SV2B: variants seen among roughly 807,000 people sequenced by gnomAD.
SV2B encodes solute carrier family 22 member B2.
SV2B carries 41 observed loss-of-function variants against 73.9 expected under a neutral mutation model. That is an observed-to-expected ratio of 0.56 (90% CI 0.43 to 0.72). The LOEUF (loss-of-function observed/expected upper bound fraction) is 0.72, where lower values mean the gene tolerates loss of function less well. Among genes scored for constraint, SV2B ranks in the 30% least tolerant of loss-of-function variants. The pLI is 0.00. For synonymous variants in SV2B, 314 were observed against 314.2 expected, an observed-to-expected ratio of 1.00 and a Z score of 0.01; for missense variants, 764 against 857.8, an observed-to-expected ratio of 0.89 and a Z score of 1.37.
chr15:91,190,082 TGTTA>T (rs753398677), intron 1 of SV2B, among the ~76,000 whole-genome samples: 2 of 152,236 alleles, frequency 1.3e-5, no homozygotes, highest in African/African-American at 2.4e-5. Context: ...TATATTTTCT[TGTTA>T]GTTATTGCTG....
At chr15:91,183,676 A>C (rs192229513) in intron 1 of SV2B, among the ~76,000 whole-genome samples, 1 of 152,340 alleles carries the variant, frequency 6.6e-6, no homozygotes, top group Non-Finnish European at 1.5e-5. Context: ...TTTGCGATGT[A>C]TTTGCCCAGG....
At chr15:91,194,136 C>A (rs1415481655) in intron 1 of SV2B, among the ~76,000 whole-genome samples, 1 of 151,800 alleles carries the variant, frequency 6.6e-6, no homozygotes, top group Non-Finnish European at 1.5e-5. Flanking sequence ...TGATTAGTGT[C>A]CTAGGGGACC....
intron 1 of SV2B, among the ~76,000 whole-genome samples, chr15:91,219,862 A>G (rs930128061): frequency 2.0e-5 from 3 of 152,226 alleles, no homozygotes; most frequent in Non-Finnish European, 4.4e-5. Flanking sequence ...TGGATATTTC[A>G]TCTAAATGGA....
At chr15:91,147,576 T>C (rs892507797) in intron 1 of SV2B, among the ~76,000 whole-genome samples, 2 of 152,186 alleles carry the variant, frequency 1.3e-5, no homozygotes, top group Admixed American at 1.3e-4. Flanking sequence ...TTCTGCTCTT[T>C]AAGGCACTCA....
intron 1 of SV2B, among the ~76,000 whole-genome samples, chr15:91,148,991 A>G (rs9672243): frequency 0.72 from 108,985 of 152,194 alleles, 39,246 homozygotes; most frequent in Non-Finnish European, 0.73. Context: ...TTAACCAAAT[A>G]TCTGGGCACC....
At chr15:91,187,272 A>G (rs1393688221) in intron 1 of SV2B, among the ~76,000 whole-genome samples, 1 of 152,240 alleles carries the variant, frequency 6.6e-6, no homozygotes, top group Admixed American at 6.5e-5. Context: ...CTTTCTCATT[A>G]CTAAGTAGAT....
chr15:91,216,393 G>A (rs1390839087), intron 1 of SV2B, among the ~76,000 whole-genome samples: 3 of 152,196 alleles, frequency 2.0e-5, no homozygotes, highest in African/African-American at 4.8e-5. Flanking sequence ...ACAGGCAAGT[G>A]AGAAAGTAAA....
At position 91,299,647 on chromosome 15, in the gene SV2B, T is replaced by G. The variant is rs1339125655; in HGVS notation, c.*7095T>G. 2 of 152,218 alleles carry G rather than the reference T, an allele frequency of 1.3e-5. No individual in the cohort carries two copies. The highest frequency in any genetic ancestry group is 2.9e-5 in the Non-Finnish European group (2 of 68,040). 9.4% of individuals were successfully genotyped at this position (152,218 alleles called of 1,614,324 possible). On this transcript the variant is annotated 3_prime_UTR_variant, in exon 13 of 13. Transcript: ENST00000394232. ...AGCGCAAGTTTTTATTTCATTATTT[T>G]TATTTTTATTTTTTTGAGACAGAGT...
chr15:91,264,746 C>A (rs1284267555), intron 6 of SV2B, among the ~76,000 whole-genome samples: 1 of 152,134 alleles, frequency 6.6e-6, no homozygotes, highest in Non-Finnish European at 1.5e-5. Context: ...AAGCCTTTTA[C>A]AACAGGATCA....
intron 1 of SV2B, among the ~76,000 whole-genome samples, chr15:91,134,292 C>T (rs769624239): frequency 5.3e-5 from 8 of 152,138 alleles, no homozygotes; most frequent in South Asian, 2.1e-4. Context: ...GCCACAGGCC[C>T]GGCCTTCTCC....
rs2049086108 is a variant in SV2B, at chr15:91,292,658, G to A, written c.*106G>A. On this transcript the variant is annotated 3_prime_UTR_variant, in exon 13 of 13. Transcript: ENST00000394232. ...CCGGAGGACACCTTGGATAGCACGG[G>A]AGGAGAAGTTGACTTTGTGACCCCT... The A allele has an allele frequency of 7.3e-7, 1 of 1,377,156 alleles. No homozygotes were observed. Among genetic ancestry groups the A allele is most frequent in the African/African-American group, 1.5e-5 (1 of 68,212 alleles). The allele number at this position is 1,377,156 out of a possible 1,614,324, so 85.3% of individuals were successfully genotyped here.
intron 9 of SV2B, among the ~76,000 whole-genome samples, chr15:91,274,295 G>C (rs986235597): frequency 1.3e-5 from 2 of 152,088 alleles, no homozygotes; most frequent in Non-Finnish European, 2.9e-5. Flanking sequence ...AGTAGTATAC[G>C]GTGTATATTT....
chr15:91,200,315 CAG>C (rs1331110730), intron 1 of SV2B, among the ~76,000 whole-genome samples: 1 of 152,154 alleles, frequency 6.6e-6, no homozygotes, highest in Non-Finnish European at 1.5e-5. Context: ...CAGTAAGGTA[CAG>C]AGAGTTTAGG....
chr15:91,120,823 A>AG (rs1890729974), intron 1 of SV2B, among the ~76,000 whole-genome samples: 1 of 151,168 alleles, frequency 6.6e-6, no homozygotes, highest in African/African-American at 2.4e-5. Flanking sequence ...AAAAAAAAAA[A>AG]AAAGAAAGAA....
At position 91,267,668 on chromosome 15, in the gene SV2B, C is replaced by T. The variant is rs376553222; in HGVS notation, c.1208+25C>T. On this transcript the variant is annotated intron_variant, in intron 8 of 12. Transcript: ENST00000394232. The surrounding 1 kb of genome is among the most constrained non-coding windows in gnomAD (Gnocchi z 4.3). ...GGTAAGTTCTGTCTTACTTAAATTT[C>T]GTAATTCCCTGTGCCTCAGTGGCCT... 1,635 of 1,582,532 alleles carry T rather than the reference C, an allele frequency of 1.0e-3. No homozygotes were observed. Among genetic ancestry groups the T allele is most frequent in the Non-Finnish European group, 1.1e-3 (1,298 of 1,156,166 alleles).
intron 1 of SV2B, among the ~76,000 whole-genome samples, chr15:91,154,092 G>T (rs545902449): frequency 2.7e-5 from 4 of 146,544 alleles, no homozygotes; most frequent in Non-Finnish European, 6.0e-5. Context: ...TAGTATAAAT[G>T]TTAATTTATA....
intron 1 of SV2B, among the ~76,000 whole-genome samples, chr15:91,131,646 A>G (rs1475308317): frequency 7.3e-6 from 1 of 136,452 alleles, no homozygotes; most frequent in Non-Finnish European, 1.6e-5. Context: ...TGCTACAAAA[A>G]ATTTGAAAAA....
Position 91,140,927 on chromosome 15 carries a change from A to G in SV2B, c.-392+40564A>G, listed in dbSNP as rs1449166256. Reference sequence around the variant, plus strand: ...TGGCCACAGGCAGCAAAGAGAAACCACACAGCCTCAGATGAACATATGTTA... The same window carrying G: ...TGGCCACAGGCAGCAAAGAGAAACCGCACAGCCTCAGATGAACATATGTTA... On this transcript the variant is annotated intron_variant, in intron 1 of 12. Coordinates refer to ENST00000394232, the MANE Select transcript of SV2B (RefSeq NM_001323032.3). This position sits in a 1 kb window ranked among gnomAD's most constrained non-coding sequence, Gnocchi z 4.4. Among the ~76,000 whole-genome samples the G allele has an allele frequency of 2.6e-5, 4 of 152,092 alleles. No homozygotes were observed. Among genetic ancestry groups the G allele is most frequent in the Non-Finnish European group, 4.4e-5 (3 of 68,016 alleles).
intron 1 of SV2B, among the ~76,000 whole-genome samples, chr15:91,185,612 G>C (rs2044740583): frequency 1.3e-5 from 2 of 152,128 alleles, no homozygotes; most frequent in African/African-American, 2.4e-5. Flanking sequence ...TGTCCTTTGG[G>C]GGTTTCCTGG....
Sources: allele counts gnomAD v4.1 joint callset (sites outside exome capture counted in the v4.1 genomes callset), GRCh38; gene constraint gnomAD v4.1.1; non-coding constraint Gnocchi (gnomAD v3.1); transcripts MANE v1.5; gene names NCBI Gene and HGNC (gene_info 2026-07-23, HGNC 2026-07-21).